TRMT10C: variants seen among roughly 807,000 people sequenced by gnomAD.
TRMT10C encodes the protein tRNA methyltransferase 10 homolog C.
Under a neutral mutation model 27.4 loss-of-function variants are expected in TRMT10C, and 14 were observed. That is an observed-to-expected ratio of 0.51 (90% confidence interval 0.34 to 0.80). The LOEUF (loss-of-function observed/expected upper bound fraction) is 0.80. Among genes scored for constraint, TRMT10C ranks in the 30% least tolerant of loss-of-function variants. TRMT10C has a pLI of 0.02. For synonymous variants in TRMT10C, 143 were observed against 155.9 expected (o/e 0.92, Z 0.62); for missense variants, 438 against 464.8 (o/e 0.94, Z 0.53).
At chr3:101,563,524 G>A (rs1191142286) in intron 1 of TRMT10C, among the ~76,000 whole-genome samples, 1 of 152,064 alleles carries the variant, frequency 6.6e-6, no homozygotes, top group South Asian at 2.1e-4. Flanking sequence ...TCTCAGAAGG[G>A]AAATGTATAG....
In TRMT10C at chr3:101,565,532, G is replaced by C. The variant is rs1285304456; in HGVS notation, c.751G>C (p.Asp251His). The C allele has an allele frequency of 1.2e-6, 2 of 1,613,620 alleles. No individual in the cohort carries two copies. The highest frequency in any genetic ancestry group is 8.5e-7 in the Non-Finnish European group (1 of 1,179,736). The change falls in exon 2 of 2, where the codon GAT (aspartate) becomes CAT (histidine). Residue 251 changes from aspartate to histidine, a missense_variant. Physicochemically the swap from Asp to His is moderately conservative, Grantham distance 81. Coordinates refer to ENST00000309922, the MANE Select transcript of TRMT10C (RefSeq NM_017819.4). ...TATTTATTTCTGCAATCTAAAAATA[G>C]ATGGTGCTTTGCACAGAGAGTTAGT... ...FHIYFCNLKI[D>H]GALHRELVKR...
In TRMT10C at chr3:101,565,423, T is replaced by C. The variant is rs1191358058; in HGVS notation, c.642T>C (p.Tyr214=). The change falls in exon 2 of 2, where the codon TAT becomes TAC. Residue 214 remains tyrosine (Y), a synonymous_variant. Transcript: ENST00000309922. ...TTTTTGACATGGCTTACGAAAATTA[T>C]ATGAAACGAAAAGAATTGCAGAATA... ...PLVFDMAYEN[Y]MKRKELQNTV... is the part of the protein sequence containing the mutation. 5 of 1,614,160 alleles carry C rather than the reference T, an allele frequency of 3.1e-6. No individual in the cohort carries two copies. The South Asian group carries it at 4.4e-5, about 14-fold the overall frequency.
intron 1 of TRMT10C, among the ~76,000 whole-genome samples, chr3:101,564,563 A>G (rs1397686928): frequency 6.6e-6 from 1 of 152,076 alleles, no homozygotes; most frequent in Non-Finnish European, 1.5e-5. Flanking sequence ...CCCGGCCAAG[A>G]ACCCAACTAA....
Position 101,562,013 on chromosome 3 carries a change from T to G in TRMT10C, c.-13+10T>G, listed in dbSNP as rs1934423528. ...TATCTCTGCACTCCTGGTAAGCGAG[T>G]TTCTTCTTTCGCCTAATGTGTGTGT... On this transcript the variant is annotated intron_variant, in intron 1 of 1. Coordinates refer to ENST00000309922, the MANE Select transcript of TRMT10C (RefSeq NM_017819.4). 1 of 152,174 alleles carries G rather than the reference T, an allele frequency of 6.6e-6. No homozygotes were observed. The highest frequency in any genetic ancestry group is 1.5e-5 in the Non-Finnish European group (1 of 68,070). 9.4% of individuals were successfully genotyped at this position (152,174 alleles called of 1,614,324 possible). A position where few individuals can be genotyped will look rare whatever the true frequency, so the allele number is the denominator to read the frequency against.
At chr3:101,562,797 C>T (rs564662432) in intron 1 of TRMT10C, among the ~76,000 whole-genome samples, 1 of 151,612 alleles carries the variant, frequency 6.6e-6, no homozygotes, top group East Asian at 1.9e-4. Context: ...ACATTATAGA[C>T]AAAGTCCTTG....
rs375093939 is a variant in TRMT10C at position 101,564,809 on chromosome 3, A to G, written c.28A>G (p.Ser10Gly). MAAFLKMSV[S>G]VNFFRPFTRF... ...GGCTGCTTTCCTCAAAATGAGTGTT[A>G]GTGTCAATTTCTTCAGACCTTTCAC... Residue 10 changes from serine to glycine, a missense_variant, in exon 2 of 2, where the codon AGT (serine) becomes GGT (glycine). Around this residue, in one of 3 missense-constraint regions of TRMT10C, gnomAD observed 350 missense variants for 370.5 expected, o/e 0.94. Transcript: ENST00000309922. 1.4e-5 allele frequency: 23 copies of G among 1,599,558 alleles called. No homozygotes were observed. The African/African-American group carries it at 2.3e-4, about 16-fold the overall frequency.
chr3:101,566,117 C>A lies in TRMT10C; in HGVS notation c.*124C>A. On this transcript the variant is annotated 3_prime_UTR_variant, in exon 2 of 2. Transcript: ENST00000309922. ...TTAATGTATTTCTTCCCAAACAATT[C>A]ATTTTTCTCTTCTAAAGGTAGTCTT... is the stretch of plus-strand genomic sequence containing the variant. 1.7e-6 allele frequency: 2 copies of A among 1,144,250 alleles called. No individual in the cohort carries two copies. The highest frequency in any genetic ancestry group is 2.4e-6 in the Non-Finnish European group (2 of 827,202). 70.9% of individuals were successfully genotyped at this position (1,144,250 alleles called of 1,614,324 possible).
intron 1 of TRMT10C, among the ~76,000 whole-genome samples, chr3:101,562,350 T>C (rs753706403): frequency 5.3e-5 from 8 of 152,234 alleles, no homozygotes; most frequent in Non-Finnish European, 1.2e-4. Context: ...AAGTAAATTG[T>C]TTTCTCTTTA....
intron 1 of TRMT10C, among the ~76,000 whole-genome samples, chr3:101,563,991 T>C (rs1380146269): frequency 1.3e-5 from 2 of 152,236 alleles, no homozygotes; most frequent in Non-Finnish European, 2.9e-5. Context: ...AAGTGCTTTT[T>C]ACCTGTTGCC....
rs1396702989 is a variant in TRMT10C at position 101,565,444 on chromosome 3, G to C, written c.663G>C (p.Gln221His). ...YENYMKRKEL[Q>H]NTVSQLLESE... ...ATTATATGAAACGAAAAGAATTGCAGAATACTGTTTCCCAGCTTTTAGAAA... is the reference window on the plus strand; with the variant it reads ...ATTATATGAAACGAAAAGAATTGCACAATACTGTTTCCCAGCTTTTAGAAA... Residue 221 changes from glutamine (Q) to histidine (H), a missense_variant, in exon 2 of 2, where the codon CAG becomes CAC. Physicochemically the swap from Gln to His is conservative, Grantham distance 24. This residue lies in a region of TRMT10C where 350 missense variants were observed against 370.5 expected (regional missense o/e 0.94). Coordinates refer to ENST00000309922, the MANE Select transcript of TRMT10C (RefSeq NM_017819.4). The C allele has an allele frequency of 1.2e-6, 2 of 1,614,136 alleles. No individual in the cohort carries two copies. The highest frequency in any genetic ancestry group is 4.5e-5 in the East Asian group (2 of 44,872).
chr3:101,564,769 G>T lies in TRMT10C; in HGVS notation c.-12-1G>T. 4 of 1,483,994 alleles carry T rather than the reference G, an allele frequency of 2.7e-6. No individual in the cohort carries two copies. Among genetic ancestry groups the T allele is most frequent in the South Asian group, 2.9e-5 (2 of 68,458 alleles). 91.9% of individuals were successfully genotyped at this position (1,483,994 alleles called of 1,614,324 possible). ...TTAATTGCATTTTTCTTCTTTTACAGGGGTTTTGTTACATGGCTGCTTTCC... is the reference window on the plus strand; with the variant it reads ...TTAATTGCATTTTTCTTCTTTTACATGGGTTTTGTTACATGGCTGCTTTCC... On this transcript the variant is annotated splice_acceptor_variant, in intron 1 of 1. Transcript: ENST00000309922. LOFTEE classifies it low-confidence loss of function (5UTR_SPLICE).
At chr3:101,563,510 C>T (rs1010978997) in intron 1 of TRMT10C, among the ~76,000 whole-genome samples, 2 of 151,798 alleles carry the variant, frequency 1.3e-5, no homozygotes, top group African/African-American at 4.8e-5. Context: ...AGAAGTAGGT[C>T]ACATCTCAGA....
At chr3:101,562,626 T>A (rs1205391821) in intron 1 of TRMT10C, among the ~76,000 whole-genome samples, 5 of 150,848 alleles carry the variant, frequency 3.3e-5, no homozygotes, top group Non-Finnish European at 2.9e-5. Flanking sequence ...CAGCCTGGAG[T>A]GACAGAGCGA....
Position 101,566,200 on chromosome 3 carries a change from AT to A in TRMT10C, c.*209del. The stretch of plus-strand genomic sequence containing the variant: ...AATTAAATATCTGCAGAACTTTGGG[AT>A]TATACTTTGTTTACTGTAGAAAGAT... On this transcript the variant is annotated 3_prime_UTR_variant, in exon 2 of 2. Transcript: ENST00000309922. 1 of 521,336 alleles carries A rather than the reference AT, an allele frequency of 1.9e-6. No individual in the cohort carries two copies. Among genetic ancestry groups the A allele is most frequent in the Non-Finnish European group, 3.4e-6 (1 of 295,478 alleles). 32.3% of individuals were successfully genotyped at this position (521,336 alleles called of 1,614,324 possible).
intron 1 of TRMT10C, chr3:101,562,236 A>T (rs910563337): frequency 6.6e-6 from 1 of 152,250 alleles, no homozygotes; most frequent in Non-Finnish European, 1.5e-5. Context: ...GTGGTATTCT[A>T]AGTCCTTGCC....
At chr3:101,563,618 G>A (rs1247146356) in intron 1 of TRMT10C, among the ~76,000 whole-genome samples, 4 of 152,182 alleles carry the variant, frequency 2.6e-5, no homozygotes, top group Non-Finnish European at 5.9e-5. Flanking sequence ...ACAGGTCAGA[G>A]AGCAGGAAAC....
chr3:101,566,261 T>A lies in TRMT10C; in HGVS notation c.*268T>A. On this transcript the variant is annotated 3_prime_UTR_variant, in exon 2 of 2. Coordinates refer to ENST00000309922, the MANE Select transcript of TRMT10C (RefSeq NM_017819.4). ...AGTTGTCCAAGATTGTTGAACAGAA[T>A]AATCTTTATCCCAGTTAAATAGTTG... 9.3e-6 allele frequency: 3 copies of A among 321,320 alleles called. No individual in the cohort carries two copies. The highest frequency in any genetic ancestry group is 1.2e-4 in the East Asian group (2 of 16,436). 19.9% of individuals were successfully genotyped at this position (321,320 alleles called of 1,614,324 possible).
chr3:101,563,057 C>G (rs1009446541), intron 1 of TRMT10C, among the ~76,000 whole-genome samples: 1 of 152,130 alleles, frequency 6.6e-6, no homozygotes, highest in Non-Finnish European at 1.5e-5. Context: ...GAAGGAGGAT[C>G]AGATTGTGAA....
chr3:101,566,060 T>C lies in TRMT10C; in HGVS notation c.*67T>C. 6.8e-7 allele frequency: 1 copy of C among 1,467,808 alleles called. No individual in the cohort carries two copies. Among genetic ancestry groups the C allele is most frequent in the Non-Finnish European group, 9.1e-7 (1 of 1,094,400 alleles). 90.9% of individuals were successfully genotyped at this position (1,467,808 alleles called of 1,614,324 possible). A position where few individuals can be genotyped will look rare whatever the true frequency, so the allele number is the denominator to read the frequency against. ...GCTCAAATGAGAACATTTGATGGCT[T>C]AAAAAGTAAATGCGTTAGAAATACA... On this transcript the variant is annotated 3_prime_UTR_variant, in exon 2 of 2. Coordinates refer to ENST00000309922, the MANE Select transcript of TRMT10C (RefSeq NM_017819.4).
Sources: allele counts gnomAD v4.1 joint callset (sites outside exome capture counted in the v4.1 genomes callset), GRCh38; gene constraint gnomAD v4.1.1; regional missense constraint gnomAD v4.1.1; transcripts MANE v1.5; gene names NCBI Gene and HGNC (gene_info 2026-07-23, HGNC 2026-07-21).